Variants in PCBP3 observed in about 807,000 individuals in gnomAD.
The protein encoded by PCBP3 is poly(rC)-binding protein 3.
PCBP3 carries 25 observed loss-of-function variants against 52.7 expected under a neutral mutation model. That is an observed-to-expected ratio of 0.47 (90% CI 0.35 to 0.66). The LOEUF (loss-of-function observed/expected upper bound fraction) is 0.66. Ranked by LOEUF, PCBP3 falls within the 30% of genes least tolerant of loss-of-function variation. PCBP3 has a pLI of 0.01. For synonymous variants in PCBP3, 162 were observed against 183.0 expected (o/e 0.89, Z 0.93); for missense variants, 391 against 490.3 (o/e 0.80, Z 1.91).
Position 45,900,617 on chromosome 21 carries a change from T to C in PCBP3, c.216T>C (p.Arg72=), listed in dbSNP as rs2149095714. ...GKKGETVKKM[R]EESGARINIS... is the part of the protein sequence containing the mutation. Reference sequence around the variant, plus strand: ...AAGGAGAAACTGTGAAGAAGATGCGTGAGGAGGTGAGTGTGGTGGGTCCCC... The same window carrying C: ...AAGGAGAAACTGTGAAGAAGATGCGCGAGGAGGTGAGTGTGGTGGGTCCCC... Residue 72 remains arginine (R), a synonymous_variant, in exon 8 of 18, where the codon CGT becomes CGC. Coordinates refer to ENST00000681687, the MANE Select transcript of PCBP3 (RefSeq NM_001384156.1). 1.3e-6 allele frequency: 2 copies of C among 1,590,868 alleles called. No homozygotes were observed. Among genetic ancestry groups the C allele is most frequent in the East Asian group, 2.3e-5 (1 of 43,364 alleles).
chr21:45,684,831 T>G (rs1005355808), intron 2 of PCBP3, among the ~76,000 whole-genome samples: 3 of 152,258 alleles, frequency 2.0e-5, no homozygotes, highest in African/African-American at 7.2e-5. Context: ...ATAAAATGTC[T>G]GTTAAACCAG....
intron 2 of PCBP3, among the ~76,000 whole-genome samples, chr21:45,692,305 C>T (rs1306264939): frequency 1.3e-5 from 2 of 151,188 alleles, no homozygotes; most frequent in Non-Finnish European, 2.9e-5. Context: ...TAGAAATCAA[C>T]AAAATTTAAA....
chr21:45,829,870 G>C lies in PCBP3; in HGVS notation c.-125-20091G>C, dbSNP rs185680999. 5 of 152,774 alleles carry C rather than the reference G, an allele frequency of 3.3e-5. No homozygotes were observed. Among genetic ancestry groups the C allele is most frequent in the Admixed American group, 2.6e-4 (4 of 15,308 alleles). The allele number at this position is 152,774 out of a possible 1,614,324, so 9.5% of individuals were successfully genotyped here. A position where few individuals can be genotyped will look rare whatever the true frequency, so the allele number is the denominator to read the frequency against. ...AAGATGCAGCTCTAGGGCAGTGCAGGCATGTTCTTCAAGTGGGCCCTCATC... is the reference window on the plus strand; with the variant it reads ...AAGATGCAGCTCTAGGGCAGTGCAGCCATGTTCTTCAAGTGGGCCCTCATC... On this transcript the variant is annotated intron_variant, in intron 4 of 17. Transcript: ENST00000681687. The surrounding 1 kb of genome is among the most constrained non-coding windows in gnomAD (Gnocchi z 5.2).
intron 4 of PCBP3, among the ~76,000 whole-genome samples, chr21:45,766,737 G>A (rs1470864334): frequency 6.6e-6 from 1 of 152,196 alleles, no homozygotes; most frequent in East Asian, 1.9e-4. Flanking sequence ...GGAAGAGGCC[G>A]ATTTCCTCTC....
intron 2 of PCBP3, among the ~76,000 whole-genome samples, chr21:45,671,339 G>C (rs528051868): frequency 6.6e-6 from 1 of 152,278 alleles, no homozygotes; most frequent in African/African-American, 2.4e-5. Context: ...AGCATTGTGT[G>C]GTCTTTATCA....
intron 4 of PCBP3, chr21:45,760,282 C>T (rs1290168216): frequency 1.3e-5 from 2 of 152,160 alleles, no homozygotes. Context: ...GCTCAGTCCA[C>T]TCTCCTGCCT....
Position 45,842,887 on chromosome 21 carries a change from C to A in PCBP3, c.-125-7074C>A, listed in dbSNP as rs1603449213. ...GTCCTGTCCTGTGCATGGAGCAGGG[C>A]AGGTATTCTCAGATGCTTTCTGACC... is the stretch of plus-strand genomic sequence containing the variant. On this transcript the variant is annotated intron_variant, in intron 4 of 17. Transcript: ENST00000681687. Among the ~76,000 whole-genome samples, 5 of 152,292 alleles carry A rather than the reference C, an allele frequency of 3.3e-5. No homozygotes were observed. The South Asian group carries it at 1.0e-3, about 32-fold the overall frequency.
At chr21:45,901,863 A>G (rs2096066023) in intron 9 of PCBP3, among the ~76,000 whole-genome samples, 1 of 152,192 alleles carries the variant, frequency 6.6e-6, no homozygotes. Flanking sequence ...AAATTGCTGG[A>G]AGTTAGAGAT....
At chr21:45,728,251 A>G (rs569746867) in intron 2 of PCBP3, among the ~76,000 whole-genome samples, 1 of 152,370 alleles carries the variant, frequency 6.6e-6, no homozygotes, top group African/African-American at 2.4e-5. Flanking sequence ...TATCAGGTTC[A>G]GAAAGAGTCC....
intron 2 of PCBP3, among the ~76,000 whole-genome samples, chr21:45,711,127 T>C (rs1016684961): frequency 2.0e-5 from 3 of 152,240 alleles, no homozygotes; most frequent in African/African-American, 7.2e-5. Flanking sequence ...TGGTTCCTTT[T>C]ATTGGAGAAT....
chr21:45,920,156 C>T (rs1022010710), intron 13 of PCBP3, among the ~76,000 whole-genome samples: 1 of 152,176 alleles, frequency 6.6e-6, no homozygotes. Context: ...TGTGTTTACC[C>T]CAGACAGTCG....
At chr21:45,938,445 G>A (rs1293083638) in intron 16 of PCBP3, among the ~76,000 whole-genome samples, 1 of 152,208 alleles carries the variant, frequency 6.6e-6, no homozygotes, top group South Asian at 2.1e-4. Context: ...TGCTGTCCCT[G>A]GCCCCCATCA....
intron 2 of PCBP3, among the ~76,000 whole-genome samples, chr21:45,683,600 T>C (rs919181312): frequency 6.6e-6 from 1 of 152,324 alleles, no homozygotes; most frequent in East Asian, 1.9e-4. Flanking sequence ...TGTGACACTA[T>C]ACCTTGAAGA....
chr21:45,849,907 G>A (rs1316200618), intron 4 of PCBP3, 54 bp from the exon 5 acceptor site: 2 of 632,460 alleles, frequency 3.2e-6, no homozygotes, highest in East Asian at 5.6e-5. Flanking sequence ...CCCAGTGCTG[G>A]CGGAGAGGCC....
At chr21:45,733,885 G>C (rs1216743574) in intron 2 of PCBP3, among the ~76,000 whole-genome samples, 1 of 152,130 alleles carries the variant, frequency 6.6e-6, no homozygotes, top group Admixed American at 6.5e-5. Context: ...CTGTTTTAAT[G>C]TCTTTGTGTA....
At chr21:45,864,316 G>A (rs2094624536) in intron 5 of PCBP3, among the ~76,000 whole-genome samples, 2 of 152,338 alleles carry the variant, frequency 1.3e-5, no homozygotes, top group African/African-American at 4.8e-5. Context: ...GGGTGCTGCC[G>A]ATGGATGGAG....
chr21:45,779,086 C>T (rs1028257543), intron 4 of PCBP3, among the ~76,000 whole-genome samples: 6 of 152,224 alleles, frequency 3.9e-5, no homozygotes, highest in African/African-American at 1.2e-4. Context: ...GTCCCAGCAG[C>T]GACAGCCTGA....
rs189382299 is a variant in PCBP3 at position 45,697,236 on chromosome 21, C to T, written c.-200+28284C>T. Among the ~76,000 whole-genome samples, 221 of 152,188 alleles carry T rather than the reference C, an allele frequency of 1.5e-3. 1 individual carries two copies. The highest frequency in any genetic ancestry group is 5.7e-4 in the Non-Finnish European group (39 of 68,002). Reference sequence around the variant, plus strand: ...TAATAGTGAAACACTGGAAACATCCCGAATGCCTGTCAGCAGTTCAACTGT... The same window carrying T: ...TAATAGTGAAACACTGGAAACATCCTGAATGCCTGTCAGCAGTTCAACTGT... On this transcript the variant is annotated intron_variant, in intron 2 of 17. Transcript: ENST00000681687.
chr21:45,765,862 C>T (rs755597315), intron 4 of PCBP3, among the ~76,000 whole-genome samples: 4 of 152,170 alleles, frequency 2.6e-5, no homozygotes, highest in African/African-American at 7.2e-5. Flanking sequence ...TTCCTGAGAA[C>T]GGGGAAGGCT....
Sources: allele counts gnomAD v4.1 joint callset (sites outside exome capture counted in the v4.1 genomes callset), GRCh38; gene constraint gnomAD v4.1.1; non-coding constraint Gnocchi (gnomAD v3.1); transcripts MANE v1.5; gene names NCBI Gene and HGNC (gene_info 2026-07-23, HGNC 2026-07-21).